ERBB4: variants seen among roughly 807,000 people sequenced by gnomAD.
ERBB4 encodes the protein erb-b2 receptor tyrosine kinase 4.
In ERBB4, 42 loss-of-function variants were observed where a neutral mutation model predicts 158.0. The observed-to-expected ratio is 0.27, with a 90% CI of 0.21 to 0.34. The LOEUF (loss-of-function observed/expected upper bound fraction) is 0.34. ERBB4 is among the 10% of genes least tolerant of loss of function. The pLI is 1.00. For missense variants in ERBB4, 1,333 were observed against 1,624.1 expected (o/e 0.82, Z 3.08); for synonymous variants, 583 against 558.7 (o/e 1.04, Z -0.61).
At chr2:211,631,576 A>C (rs938583874) in intron 16 of ERBB4, among the ~76,000 whole-genome samples, 1 of 152,218 alleles carries the variant, frequency 6.6e-6, no homozygotes, top group African/African-American at 2.4e-5. Flanking sequence ...TAGCAAAGAT[A>C]TAATTTTGAA....
chr2:211,668,448 C>G (rs1339894984), intron 14 of ERBB4, among the ~76,000 whole-genome samples: 1 of 152,098 alleles, frequency 6.6e-6, no homozygotes, highest in Non-Finnish European at 1.5e-5. Context: ...AGAACCGAGG[C>G]ACAATAAATG....
chr2:211,679,775 G>A (rs1056336917), intron 12 of ERBB4, among the ~76,000 whole-genome samples: 2 of 152,104 alleles, frequency 1.3e-5, no homozygotes, highest in Non-Finnish European at 1.5e-5. Context: ...CACCTCCCGG[G>A]TTTAAGCAAT....
chr2:212,523,254 GTTAT>G (rs1692270940), intron 1 of ERBB4, among the ~76,000 whole-genome samples: 1 of 151,694 alleles, frequency 6.6e-6, no homozygotes, highest in Non-Finnish European at 1.5e-5. Flanking sequence ...CTCTTTTGCT[GTTAT>G]TTCTTAACAT....
Position 212,061,440 on chromosome 2 carries a change from G to A in ERBB4, c.234+63312C>T, listed in dbSNP as rs571581927. On this transcript the variant is annotated intron_variant, in intron 2 of 27. Transcript: ENST00000342788. ...TGCACTCCAGCCTGGGTGACAGAGT[G>A]AGACTCTGTCTCCAAAAAAAAAAAA... is the stretch of plus-strand genomic sequence containing the variant. Among the ~76,000 whole-genome samples, 431 of 107,078 alleles carry A rather than the reference G, an allele frequency of 4.0e-3. 2 individuals carry two copies. The highest frequency in any genetic ancestry group is 0.019 in the Middle Eastern group (2 of 106). 70.2% of individuals were successfully genotyped at this position (107,078 alleles called of 152,430 possible).
intron 20 of ERBB4, among the ~76,000 whole-genome samples, chr2:211,435,745 T>A (rs1166826890): frequency 6.6e-6 from 1 of 152,192 alleles, no homozygotes; most frequent in African/African-American, 2.4e-5. Context: ...ATCCCAAAAC[T>A]ATCTCCCCTG....
chr2:211,497,320 G>A (rs2065493757), intron 20 of ERBB4, among the ~76,000 whole-genome samples: 2 of 152,068 alleles, frequency 1.3e-5, no homozygotes, highest in South Asian at 4.1e-4. Context: ...TAGTGGCAAA[G>A]TGTAACATTT....
At chr2:211,575,053 C>A (rs1286267311) in intron 19 of ERBB4, among the ~76,000 whole-genome samples, 16 of 152,102 alleles carry the variant, frequency 1.1e-4, no homozygotes. Context: ...AGGGATAAAC[C>A]ATTTGCCATG....
At chr2:212,351,900 T>C (rs2089268294) in intron 1 of ERBB4, among the ~76,000 whole-genome samples, 1 of 152,100 alleles carries the variant, frequency 6.6e-6, no homozygotes, top group African/African-American at 2.4e-5. Context: ...TATAAAACAA[T>C]GGTAATAAAT....
rs1434220271 is a variant in ERBB4 at position 211,891,358 on chromosome 2, C to T, written c.421+56072G>A. 8.3e-4 allele frequency among the ~76,000 whole-genome samples: 82 copies of T among 98,706 alleles called. No homozygotes were observed. In the East Asian group the frequency reaches 0.01, roughly 12 times the overall value. The allele number at this position is 98,706 out of a possible 152,430, so 64.8% of individuals were successfully genotyped here. A position where few individuals can be genotyped will look rare whatever the true frequency, so the allele number is the denominator to read the frequency against. ...AAATAAAGATGTTCTTTGAAACCAA[C>T]GAGAACAAAGACACAACATACCAGA... On this transcript the variant is annotated intron_variant, in intron 3 of 27. Transcript: ENST00000342788.
intron 2 of ERBB4, among the ~76,000 whole-genome samples, chr2:212,080,884 C>G (rs766184565): frequency 1.2e-4 from 18 of 152,094 alleles, no homozygotes; most frequent in Non-Finnish European, 2.4e-4. Flanking sequence ...TTTGAAGCAA[C>G]CTCATAAATC....
chr2:211,518,452 G>C (rs889052471), intron 20 of ERBB4, among the ~76,000 whole-genome samples: 10 of 152,042 alleles, frequency 6.6e-5, no homozygotes, highest in African/African-American at 2.4e-4. Flanking sequence ...TCAGGAGATC[G>C]AGGCCAGCTT....
intron 2 of ERBB4, among the ~76,000 whole-genome samples, chr2:212,002,007 G>A (rs1014756500): frequency 1.4e-4 from 21 of 152,182 alleles, no homozygotes; most frequent in Middle Eastern, 6.8e-3. Context: ...TTATGTATCC[G>A]TTTTTAAATA....
chr2:211,754,391 A>C, intron 4 of ERBB4, among the ~76,000 whole-genome samples: 1 of 147,244 alleles, frequency 6.8e-6, no homozygotes, highest in South Asian at 2.2e-4. Flanking sequence ...CTTCCCATTG[A>C]TTATTGCAAT....
intron 20 of ERBB4, among the ~76,000 whole-genome samples, chr2:211,474,952 C>T (rs1237292222): frequency 6.6e-6 from 1 of 151,736 alleles, no homozygotes; most frequent in East Asian, 1.9e-4. Context: ...TGATGGAAGA[C>T]TGGGGAAGAG....
chr2:212,111,309 T>C (rs1193714884), intron 2 of ERBB4, among the ~76,000 whole-genome samples: 1 of 152,234 alleles, frequency 6.6e-6, no homozygotes, highest in East Asian at 1.9e-4. Context: ...CAGGCTCTCA[T>C]TAAACTAATT....
chr2:211,668,090 T>C (rs1443631679), intron 14 of ERBB4, among the ~76,000 whole-genome samples: 2 of 152,206 alleles, frequency 1.3e-5, no homozygotes, highest in Non-Finnish European at 2.9e-5. Flanking sequence ...AGCATATTAC[T>C]GTACTGAATA....
chr2:211,450,846 C>A (rs542233460), intron 20 of ERBB4, among the ~76,000 whole-genome samples: 4 of 152,092 alleles, frequency 2.6e-5, no homozygotes, highest in African/African-American at 4.8e-5. Context: ...CTGTTACTTA[C>A]CTGTTGTCTG....
chr2:211,456,505 T>A (rs2064384391), intron 20 of ERBB4, among the ~76,000 whole-genome samples: 1 of 152,128 alleles, frequency 6.6e-6, no homozygotes, highest in Non-Finnish European at 1.5e-5. Flanking sequence ...TATTCAACAT[T>A]CAAAGAGGTC....
intron 1 of ERBB4, among the ~76,000 whole-genome samples, chr2:212,218,142 C>T (rs1574456945): frequency 6.6e-6 from 1 of 151,408 alleles, no homozygotes; most frequent in South Asian, 2.1e-4. Flanking sequence ...ACGAGAGCTG[C>T]TTTAGAAATA....
Sources: allele counts gnomAD v4.1 joint callset (sites outside exome capture counted in the v4.1 genomes callset), GRCh38; gene constraint gnomAD v4.1.1; transcripts MANE v1.5; gene names NCBI Gene and HGNC (gene_info 2026-07-23, HGNC 2026-07-21).